MICAL1: variants seen among roughly 807,000 people sequenced by gnomAD.
MICAL1 encodes the protein [F-actin]-monooxygenase MICAL1.
Under a neutral mutation model 131.8 loss-of-function variants are expected in MICAL1, and 95 were observed. That is an observed-to-expected ratio of 0.72 (90% CI 0.61 to 0.86). The LOEUF (loss-of-function observed/expected upper bound fraction) is 0.86, where lower values mean the gene tolerates loss of function less well. Ranked by LOEUF, MICAL1 falls within the 40% of genes least tolerant of loss-of-function variation. MICAL1 has a pLI of 0.00. For missense variants in MICAL1, 1,292 were observed against 1,380.6 expected (o/e 0.94, Z 1.02); for synonymous variants, 546 against 554.2 (o/e 0.99, Z 0.21).
chr6:109,451,916 G>T (rs1775560228), intron 6 of MICAL1: 1 of 1,389,110 alleles, frequency 7.2e-7, no homozygotes, highest in Admixed American at 3.2e-5. Flanking sequence ...AAGCTTGGAG[G>T]GGGGTGGCAT....
At chr6:109,446,836 A>C in intron 17 of MICAL1, 64 bp from the exon 18 acceptor site, 1 of 1,468,144 alleles carries the variant, frequency 6.8e-7, no homozygotes. Context: ...GACACGCAAC[A>C]GTTTATGAAG....
Position 109,446,693 on chromosome 6 carries a change from T to C in MICAL1, c.2304+3A>G, listed in dbSNP as rs1451114800. The C allele has an allele frequency of 1.2e-6, 2 of 1,613,476 alleles. No homozygotes were observed. Among genetic ancestry groups the C allele is most frequent in the Admixed American group, 3.3e-5 (2 of 59,950 alleles). On this transcript the variant is annotated splice_donor_region_variant and intron_variant, in intron 18 of 24. Transcript: ENST00000358807. ...AATATACATACACGCCTTCAGTCTT[T>C]ACCGGACTCTCAGGGCCTCTATCGC...
chr6:109,458,316 C>T (rs990768804), upstream of MICAL1, among the ~76,000 whole-genome samples: 1 of 152,180 alleles, frequency 6.6e-6, no homozygotes, highest in Non-Finnish European at 1.5e-5. Flanking sequence ...CATTCTAAGG[C>T]TGGGCACAGT....
At position 109,447,122 on chromosome 6, in the gene MICAL1, G is replaced by A; in HGVS notation, c.2178C>T (p.Thr726=). ...FFHRSCFRCH[T]CEATLWPGGY... Reference sequence around the variant, plus strand: ...CACCTGGCCACAGTGTGGCCTCACAGGTATGGCAGCGGAAGCAGCTCCGGT... The same window carrying A: ...CACCTGGCCACAGTGTGGCCTCACAAGTATGGCAGCGGAAGCAGCTCCGGT... The change falls in exon 17 of 25, where the codon ACC becomes ACT. Residue 726 remains threonine, a synonymous_variant. Coordinates refer to ENST00000358807, the MANE Select transcript of MICAL1 (RefSeq NM_022765.4). 6.2e-7 allele frequency: 1 copy of A among 1,614,176 alleles called. No individual in the cohort carries two copies.
intron 20 of MICAL1, 31 bp downstream of exon 20, chr6:109,445,740 G>A (rs1302174679): frequency 1.3e-6 from 2 of 1,597,028 alleles, no homozygotes; most frequent in Non-Finnish European, 1.7e-6. Flanking sequence ...GGGCTGGAGA[G>A]CGTTTTGTGG....
rs1277704706 is a variant in MICAL1, at chr6:109,448,199, T to A, written c.1855+4A>T. 3.1e-6 allele frequency: 5 copies of A among 1,600,278 alleles called. No homozygotes were observed. In the East Asian group the frequency reaches 6.7e-5, roughly 22 times the overall value. On this transcript the variant is annotated splice_donor_region_variant and intron_variant, in intron 13 of 24. Coordinates refer to ENST00000358807, the MANE Select transcript of MICAL1 (RefSeq NM_022765.4). ...TTATCCTGCCCGCCTTTCCTTCAGG[T>A]CACCTGGGCTGTGGGCCATGCTCTT...
chr6:109,465,436 C>A (rs1776010067), intron 1 of MICAL1: 2 of 563,558 alleles, frequency 3.5e-6, no homozygotes, highest in South Asian at 4.9e-5. Flanking sequence ...GAAAATAGAA[C>A]AAACCATTCT....
chr6:109,449,173 C>T (rs878872947), intron 11 of MICAL1: 25 of 681,402 alleles, frequency 3.7e-5, no homozygotes, highest in Admixed American at 1.3e-4. Flanking sequence ...ATGGCTGTAA[C>T]GGTGGTTCAA....
chr6:109,446,277 G>A lies in MICAL1; in HGVS notation c.2440C>T (p.Gln814Ter), dbSNP rs546527072. 1.2e-6 allele frequency: 2 copies of A among 1,613,772 alleles called. No homozygotes were observed. Among genetic ancestry groups the A allele is most frequent in the African/African-American group, 2.7e-5 (2 of 75,000 alleles). Reference protein sequence around the residue: ...RQIRLSSPERQRLSSLNLTPD... With the variant: ...RQIRLSSPER ...GTAAGGTTAAGGGAGGACAACCGCT[G>A]GCGCTCCGGGCTGGAGAGGCGGATC... The change falls in exon 19 of 25, where the codon CAG becomes TAG. Residue 814 changes from glutamine (Q) to a stop codon, truncating the protein, a stop_gained. Transcript: ENST00000358807. LOFTEE classifies it high-confidence loss of function.
chr6:109,452,649 A>G, intron 4 of MICAL1, 34 bp from the exon 5 acceptor site: 1 of 1,524,540 alleles, frequency 6.6e-7, no homozygotes, highest in Non-Finnish European at 9.0e-7. Flanking sequence ...ACAAAGGTGT[A>G]GAAGTCGTAA....
chr6:109,453,904 T>G, intron 2 of MICAL1, 35 bp downstream of exon 2: 1 of 1,610,512 alleles, frequency 6.2e-7, no homozygotes, highest in Non-Finnish European at 8.5e-7. Flanking sequence ...ACTCCCCGCA[T>G]GCTCCACACC....
At position 109,450,556 on chromosome 6, in the gene MICAL1, T is replaced by A. The variant is rs1775497717; in HGVS notation, c.935A>T (p.Asp312Val). 6.3e-7 allele frequency: 1 copy of A among 1,599,838 alleles called. No homozygotes were observed. The highest frequency in any genetic ancestry group is 8.6e-7 in the Non-Finnish European group (1 of 1,169,488). ...CAGCAGCCGATTGGTGTCTGGCCAG[T>A]CCTGTATGGTCAACAGAGCAGAACC... ...CLLRLGVLRQ[D>V]WPDTNRLLGS... The change falls in exon 8 of 25, where the codon GAC (aspartate) becomes GTC (valine). Residue 312 changes from aspartate to valine, a missense_variant and splice_region_variant. Asp to Val is a radical substitution (Grantham distance 152). Transcript: ENST00000358807.
exon 1 of MICAL1, chr6:109,465,927 A>C: frequency 6.2e-7 from 1 of 1,614,180 alleles, no homozygotes; most frequent in Non-Finnish European, 8.5e-7. Context: ...CTCCTGTGTC[A>C]GCTGCAGGTG....
chr6:109,451,719 G>T lies in MICAL1; in HGVS notation c.833-19C>A, dbSNP rs762426115. ...TCAATGCCTGGGGGTACAGGGCAGG[G>T]GACAGTAGATATGTCTCCTGATAAT... is the stretch of plus-strand genomic sequence containing the variant. On this transcript the variant is annotated intron_variant, in intron 6 of 24. Coordinates refer to ENST00000358807, the MANE Select transcript of MICAL1 (RefSeq NM_022765.4). 1 of 1,613,312 alleles carries T rather than the reference G, an allele frequency of 6.2e-7. No homozygotes were observed. Among genetic ancestry groups the T allele is most frequent in the Non-Finnish European group, 8.5e-7 (1 of 1,179,624 alleles).
intron 8 of MICAL1, 97 bp downstream of exon 8, chr6:109,450,203 C>T (rs756635212): frequency 1.2e-5 from 19 of 1,562,342 alleles, no homozygotes; most frequent in Non-Finnish European, 1.7e-5. Context: ...CAGCCCTTAG[C>T]TCCTCCCCTC....
chr6:109,460,728 C>T (rs142633136), upstream of MICAL1, among the ~76,000 whole-genome samples: 349 of 152,138 alleles, frequency 2.3e-3, 2 homozygotes, highest in African/African-American at 7.9e-3. Flanking sequence ...TTTACAAAAG[C>T]AAAACAAAGA....
At position 109,446,425 on chromosome 6, in the gene MICAL1, C is replaced by T. The variant is rs1484179782; in HGVS notation, c.2305-13G>A. 3.1e-6 allele frequency: 5 copies of T among 1,606,176 alleles called. No individual in the cohort carries two copies. Among genetic ancestry groups the T allele is most frequent in the Non-Finnish European group, 4.3e-6 (5 of 1,176,338 alleles). ...GTGTGGGGAGCTCCTGGAAAAGCCA[C>T]CATGTGGAGTGAGGTCGGGGGGTGA... On this transcript the variant is annotated splice_polypyrimidine_tract_variant and intron_variant, in intron 18 of 24. Transcript: ENST00000358807.
chr6:109,450,211 C>A, intron 8 of MICAL1, 89 bp downstream of exon 8: 1 of 1,564,550 alleles, frequency 6.4e-7, no homozygotes, highest in South Asian at 1.2e-5. Context: ...AGCTCCTCCC[C>A]TCTGCAGGCA....
At chr6:109,460,289 T>TA (rs1288962342), upstream of MICAL1, among the ~76,000 whole-genome samples, 48 of 150,400 alleles carry the variant, frequency 3.2e-4, 1 homozygote, top group South Asian at 3.2e-3. Flanking sequence ...ACCTTGTCTC[T>TA]AAAAAAAAAT....
Sources: gnomAD v4.1 joint callset for allele counts (sites outside exome capture counted in the v4.1 genomes callset) on GRCh38, gnomAD v4.1.1 for gene constraint, MANE v1.5 for transcripts, NCBI Gene and HGNC (gene_info 2026-07-23, HGNC 2026-07-21) for gene names.